Variants in USP20 observed in about 807,000 individuals in gnomAD.
USP20 encodes the protein ubiquitin specific peptidase 20.
Under a neutral mutation model 124.2 loss-of-function variants are expected in USP20, and 80 were observed. That is an observed-to-expected ratio of 0.64 (90% CI 0.54 to 0.78). USP20 has a LOEUF of 0.78. Among genes scored for constraint, USP20 ranks in the 30% least tolerant of loss-of-function variants. The pLI is 0.00. For missense variants in USP20, 1,043 were observed against 1,244.4 expected, an observed-to-expected ratio of 0.84 and a Z score of 2.44; for synonymous variants, 481 against 512.3, an observed-to-expected ratio of 0.94 and a Z score of 0.83.
rs769451836 is a variant in USP20, at chr9:129,868,292, G to T, written c.978G>T (p.Arg326=). 4 of 1,614,016 alleles carry T rather than the reference G, an allele frequency of 2.5e-6. No individual in the cohort carries two copies. In the South Asian group the frequency reaches 4.4e-5, roughly 18 times the overall value. ...GCCGAGCCATCTCTGAGAAGGAGCG[G>T]ATGAAGGACCGCAAGTTCTCCTGGG... ...EAGRAISEKE[R]MKDRKFSWGQ... Residue 326 remains arginine (R), a synonymous_variant, in exon 11 of 26, where the codon CGG becomes CGT. Transcript: ENST00000372429.
In USP20 at chr9:129,874,688, A is replaced by G. The variant is rs2034301024; in HGVS notation, c.1853A>G (p.Lys618Arg). 3 of 1,613,714 alleles carry G rather than the reference A, an allele frequency of 1.9e-6. No homozygotes were observed. The highest frequency in any genetic ancestry group is 1.7e-5 in the Admixed American group (1 of 60,004). Residue 618 changes from lysine (K) to arginine (R), a missense_variant, in exon 18 of 26, where the codon AAG becomes AGG. Lys to Arg is a conservative substitution (Grantham distance 26). Transcript: ENST00000372429. Reference protein sequence around the residue: ...EGLDLRPFLAKECTSQITTYD... With the variant: ...EGLDLRPFLARECTSQITTYD... ...CTCGACCTGCGCCCCTTCCTTGCCA[A>G]GGAGTGCACATCCCAGATCACCACC...
At chr9:129,865,006 A>G (rs1179688280) in intron 9 of USP20, among the ~76,000 whole-genome samples, 2 of 152,256 alleles carry the variant, frequency 1.3e-5, no homozygotes, top group Non-Finnish European at 2.9e-5. Flanking sequence ...TGAGAAAACC[A>G]CAGTAAGTGT....
rs937506816 is a variant in USP20 at position 129,846,165 on chromosome 9, A to G, written c.-128-3648A>G. ...AGGATGATCTTGATCTCCTGACCTC[A>G]TGGTCCTCCCGCCTCGGCCTCCCAA... On this transcript the variant is annotated intron_variant, in intron 1 of 25. Transcript: ENST00000372429. Among the ~76,000 whole-genome samples the G allele has an allele frequency of 3.4e-5, 5 of 144,946 alleles. No homozygotes were observed. The South Asian group carries it at 6.6e-4, about 19-fold the overall frequency.
chr9:129,878,454 G>A lies in USP20; in HGVS notation c.2512+14G>A, dbSNP rs535447380. 112 of 1,586,092 alleles carry A rather than the reference G, an allele frequency of 7.1e-5. No individual in the cohort carries two copies. The highest frequency in any genetic ancestry group is 9.5e-5 in the Non-Finnish European group (110 of 1,163,730). ...GGAAGGACAACGGTGAGCTGAGGGG[G>A]GACCTGGCACTTACCTGCCCTGGGG... On this transcript the variant is annotated intron_variant, in intron 23 of 25. Coordinates refer to ENST00000372429, the MANE Select transcript of USP20 (RefSeq NM_001110303.4).
At position 129,878,457 on chromosome 9, in the gene USP20, C is replaced by G; in HGVS notation, c.2512+17C>G. On this transcript the variant is annotated intron_variant, in intron 23 of 25. Coordinates refer to ENST00000372429, the MANE Select transcript of USP20 (RefSeq NM_001110303.4). ...AGGACAACGGTGAGCTGAGGGGGGACCTGGCACTTACCTGCCCTGGGGGCC... is the reference window on the plus strand; with the variant it reads ...AGGACAACGGTGAGCTGAGGGGGGAGCTGGCACTTACCTGCCCTGGGGGCC... 1 of 1,581,760 alleles carries G rather than the reference C, an allele frequency of 6.3e-7. No individual in the cohort carries two copies. Among genetic ancestry groups the G allele is most frequent in the South Asian group, 1.2e-5 (1 of 86,862 alleles).
At chr9:129,863,360 C>A in intron 9 of USP20, 61 bp downstream of exon 9, 1 of 1,345,040 alleles carries the variant, frequency 7.4e-7, no homozygotes, top group Non-Finnish European at 1.0e-6. Context: ...CTGTCAGCAC[C>A]CATGATTGAG....
In USP20 at chr9:129,869,433, C is replaced by T. The variant is rs770562152; in HGVS notation, c.1392+8C>T. 8 of 1,611,832 alleles carry T rather than the reference C, an allele frequency of 5.0e-6. No homozygotes were observed. Among genetic ancestry groups the T allele is most frequent in the Non-Finnish European group, 5.9e-6 (7 of 1,178,508 alleles). The stretch of plus-strand genomic sequence containing the variant: ...TGTCTCACCTGTGACCGGGTGGGTG[C>T]CCCAGGGATGGGGGGAGCTGGGCCA... On this transcript the variant is annotated splice_region_variant and intron_variant, in intron 13 of 25. Transcript: ENST00000372429.
chr9:129,852,752 T>C, intron 3 of USP20, 116 bp downstream of exon 3: 1 of 1,075,442 alleles, frequency 9.3e-7, no homozygotes, highest in Non-Finnish European at 1.3e-6. Context: ...CTGCTCAGCT[T>C]TCTGTGTAAA....
chr9:129,868,736 T>C (rs554264538), intron 11 of USP20, 126 bp from the exon 12 acceptor site: 3 of 1,448,872 alleles, frequency 2.1e-6, no homozygotes, highest in Non-Finnish European at 2.7e-6. Context: ...AGTGGGCACA[T>C]GACAGAGGAG....
At chr9:129,842,792 A>G (rs1396182626) in intron 1 of USP20, among the ~76,000 whole-genome samples, 1 of 151,624 alleles carries the variant, frequency 6.6e-6, no homozygotes, top group East Asian at 1.9e-4. Context: ...ATGGGATTTC[A>G]CCATGTTGGT....
intron 1 of USP20, among the ~76,000 whole-genome samples, chr9:129,837,897 A>C (rs2031957873): frequency 6.6e-6 from 1 of 151,988 alleles, no homozygotes; most frequent in Non-Finnish European, 1.5e-5. Flanking sequence ...TACACCCTGA[A>C]CTCAAGTCCT....
At position 129,879,378 on chromosome 9, in the gene USP20, C is replaced by A. The variant is rs114792794; in HGVS notation, c.2513-195C>A. On this transcript the variant is annotated intron_variant, in intron 23 of 25. Coordinates refer to ENST00000372429, the MANE Select transcript of USP20 (RefSeq NM_001110303.4). This position sits in a 1 kb window ranked among gnomAD's most constrained non-coding sequence, Gnocchi z 4.2. ...GCCAGCACAGAGTCTGAGACCATCT[C>A]GTGTGTCCTGGAAATTCCCTCTGCT... The A allele has an allele frequency of 1.7e-6, 1 of 594,738 alleles. No individual in the cohort carries two copies. The highest frequency in any genetic ancestry group is 3.0e-5 in the Admixed American group (1 of 33,420). 36.8% of individuals were successfully genotyped at this position (594,738 alleles called of 1,614,324 possible). A position where few individuals can be genotyped will look rare whatever the true frequency, so the allele number is the denominator to read the frequency against.
chr9:129,875,184 C>A, intron 19 of USP20, 126 bp from the exon 20 acceptor site: 1 of 1,256,738 alleles, frequency 8.0e-7, no homozygotes, highest in Non-Finnish European at 1.1e-6. Flanking sequence ...ATGTCCAGGA[C>A]CCGTGAAGGA....
chr9:129,844,643 A>T (rs1348123627), intron 1 of USP20, among the ~76,000 whole-genome samples: 2 of 147,622 alleles, frequency 1.4e-5, no homozygotes, highest in Non-Finnish European at 3.0e-5. Flanking sequence ...AAAAAAAAAA[A>T]AAAAATTATA....
intron 14 of USP20, 85 bp downstream of exon 14, chr9:129,869,929 A>G: frequency 1.3e-6 from 2 of 1,526,322 alleles, no homozygotes; most frequent in Non-Finnish European, 1.8e-6. Context: ...AGTGAAGTCC[A>G]TGCATTTGGG....
intron 2 of USP20, among the ~76,000 whole-genome samples, chr9:129,850,945 C>T (rs1323014051): frequency 6.6e-6 from 1 of 151,828 alleles, no homozygotes; most frequent in African/African-American, 2.4e-5. Flanking sequence ...TGAGCCACCG[C>T]ACCCAGTCTT....
chr9:129,879,293 G>T lies in USP20; in HGVS notation c.2513-280G>T. ...GATAGCTGGGCAGAGGGGAAGGGGC[G>T]TGGTGAGCGGCAGCTGCCAGCAGAG... On this transcript the variant is annotated intron_variant, in intron 23 of 25. Transcript: ENST00000372429. The surrounding 1 kb of genome is among the most constrained non-coding windows in gnomAD (Gnocchi z 4.2). 2.2e-6 allele frequency: 1 copy of T among 448,276 alleles called. No homozygotes were observed. The highest frequency in any genetic ancestry group is 4.0e-6 in the Non-Finnish European group (1 of 250,198). The allele number at this position is 448,276 out of a possible 1,614,324, so 27.8% of individuals were successfully genotyped here. A position where few individuals can be genotyped will look rare whatever the true frequency, so the allele number is the denominator to read the frequency against.
chr9:129,846,943 G>A (rs2032613532), intron 1 of USP20, among the ~76,000 whole-genome samples: 1 of 152,108 alleles, frequency 6.6e-6, no homozygotes, highest in Non-Finnish European at 1.5e-5. Context: ...GTTTTACTGA[G>A]TAGGTGTCTT....
intron 3 of USP20, among the ~76,000 whole-genome samples, chr9:129,855,481 G>A (rs867303208): frequency 6.6e-6 from 1 of 151,832 alleles, no homozygotes; most frequent in Non-Finnish European, 1.5e-5. Context: ...CAGACCACAG[G>A]TAGGTAGGAC....
Sources: allele counts gnomAD v4.1 joint callset (sites outside exome capture counted in the v4.1 genomes callset), GRCh38; gene constraint gnomAD v4.1.1; non-coding constraint Gnocchi (gnomAD v3.1); transcripts MANE v1.5; gene names NCBI Gene and HGNC (gene_info 2026-07-23, HGNC 2026-07-21).